The following LRP1B variants were observed in gnomAD, a reference collection of about 807,000 sequenced individuals.
The protein encoded by LRP1B is low-density lipoprotein receptor-related protein 1B.
In LRP1B, 217 loss-of-function variants were observed where a neutral mutation model predicts 556.6. The observed-to-expected ratio is 0.39, with a 90% confidence interval of 0.35 to 0.44. The LOEUF is 0.44. Among genes scored for constraint, LRP1B ranks in the 20% least tolerant of loss-of-function variants. The pLI is 1.00. For synonymous variants in LRP1B, 2,047 were observed against 1,865.8 expected (o/e 1.10, Z -2.50); for missense variants, 5,053 against 5,620.8 (o/e 0.90, Z 3.23).
chr2:140,437,982 T>C (rs967392298), intron 66 of LRP1B, among the ~76,000 whole-genome samples: 3 of 152,218 alleles, frequency 2.0e-5, no homozygotes, highest in African/African-American at 7.2e-5. Flanking sequence ...ATGATACTTG[T>C]TATATAACAA....
chr2:140,733,410 T>C (rs1687841619), intron 35 of LRP1B, among the ~76,000 whole-genome samples: 2 of 152,146 alleles, frequency 1.3e-5, no homozygotes, highest in Admixed American at 1.3e-4. Context: ...GAAAGCTGTG[T>C]ATAAGAAAGG....
chr2:141,064,380 T>C (rs1220346162), intron 7 of LRP1B, among the ~76,000 whole-genome samples: 1 of 151,932 alleles, frequency 6.6e-6, no homozygotes, highest in East Asian at 1.9e-4. Flanking sequence ...ATTTAAGTTA[T>C]TCATTCAAGA....
At chr2:141,725,402 A>G (rs1055930750) in intron 2 of LRP1B, among the ~76,000 whole-genome samples, 1 of 151,932 alleles carries the variant, frequency 6.6e-6, no homozygotes, top group African/African-American at 2.4e-5. Context: ...TGAAATGCTC[A>G]CTGATTAAAA....
intron 2 of LRP1B, among the ~76,000 whole-genome samples, chr2:141,785,006 C>T (rs1695384040): frequency 6.6e-6 from 1 of 151,820 alleles, no homozygotes; most frequent in Non-Finnish European, 1.5e-5. Context: ...GTGAGGAGTT[C>T]TCTGGCATAC....
intron 33 of LRP1B, among the ~76,000 whole-genome samples, chr2:140,772,468 T>C (rs947862261): frequency 4.6e-5 from 7 of 151,804 alleles, no homozygotes; most frequent in Admixed American, 2.0e-4. Flanking sequence ...TGCCACCATG[T>C]CTGGATAATT....
chr2:141,355,186 A>C (rs1415015863), intron 3 of LRP1B, among the ~76,000 whole-genome samples: 1 of 152,068 alleles, frequency 6.6e-6, no homozygotes, highest in African/African-American at 2.4e-5. Context: ...CAGTTTTGTC[A>C]TCATCTGTCT....
At position 140,351,043 on chromosome 2, in the gene LRP1B, AG is replaced by A. The variant is rs1681935112; in HGVS notation, c.11651-6del. On this transcript the variant is annotated splice_polypyrimidine_tract_variant and splice_region_variant and intron_variant, in intron 76 of 90. Transcript: ENST00000389484. ...AGAGAACTTGATCTTCAGAGCCTGG[AG>A]ATTATTATAATAAAATACAAAAATA... is the stretch of plus-strand genomic sequence containing the variant. The A allele has an allele frequency of 6.5e-7, 1 of 1,531,378 alleles. No individual in the cohort carries two copies. Among genetic ancestry groups the A allele is most frequent in the East Asian group, 2.3e-5 (1 of 43,144 alleles). The allele number at this position is 1,531,378 out of a possible 1,614,324, so 94.9% of individuals were successfully genotyped here.
At chr2:140,729,700 T>A (rs1687711490) in intron 35 of LRP1B, among the ~76,000 whole-genome samples, 1 of 152,184 alleles carries the variant, frequency 6.6e-6, no homozygotes, top group Non-Finnish European at 1.5e-5. Context: ...TTGTAAGTAT[T>A]TGGTAGCAAT....
At chr2:140,254,302 T>TCAAATATACCTA (rs1406946307) in intron 86 of LRP1B, among the ~76,000 whole-genome samples, 2 of 152,090 alleles carry the variant, frequency 1.3e-5, no homozygotes, top group Non-Finnish European at 2.9e-5. Context: ...TATTACAAGG[T>TCAAATATACCTA]TTTGAGTATG....
At chr2:141,210,945 T>C (rs1263178560) in intron 6 of LRP1B, among the ~76,000 whole-genome samples, 2 of 152,102 alleles carry the variant, frequency 1.3e-5, no homozygotes, top group Non-Finnish European at 2.9e-5. Context: ...TAAAGACAAA[T>C]TTATAGCACA....
intron 15 of LRP1B, among the ~76,000 whole-genome samples, chr2:140,998,045 C>T (rs1697305003): frequency 6.6e-6 from 1 of 151,932 alleles, no homozygotes; most frequent in South Asian, 2.1e-4. Flanking sequence ...CATTAGATTG[C>T]ATATATCCTA....
intron 1 of LRP1B, among the ~76,000 whole-genome samples, chr2:141,841,703 GTGAT>G (rs1461548235): frequency 1.6e-4 from 24 of 152,300 alleles, no homozygotes; most frequent in African/African-American, 5.5e-4. Flanking sequence ...AAGCCAGTGA[GTGAT>G]TATCAAACTG....
At chr2:141,044,353 G>A (rs1698802008) in intron 11 of LRP1B, among the ~76,000 whole-genome samples, 1 of 151,808 alleles carries the variant, frequency 6.6e-6, no homozygotes, top group South Asian at 2.1e-4. Context: ...TCAGGACATA[G>A]GCATGGGCAA....
chr2:141,189,159 C>G (rs1681387836), intron 6 of LRP1B, among the ~76,000 whole-genome samples: 1 of 151,982 alleles, frequency 6.6e-6, no homozygotes, highest in African/African-American at 2.4e-5. Flanking sequence ...AAGGCTTGCT[C>G]AAGGACTGAT....
intron 3 of LRP1B, among the ~76,000 whole-genome samples, chr2:141,479,573 T>C (rs1357725313): frequency 1.3e-5 from 2 of 152,286 alleles, no homozygotes; most frequent in East Asian, 3.9e-4. Context: ...ATACCCTTTG[T>C]GTTACACTCA....
chr2:140,833,827 A>T (rs916267680), intron 31 of LRP1B, among the ~76,000 whole-genome samples: 1 of 152,176 alleles, frequency 6.6e-6, no homozygotes, highest in African/African-American at 2.4e-5. Flanking sequence ...TATGTTTAAT[A>T]TGTTTTAAAG....
intron 71 of LRP1B, among the ~76,000 whole-genome samples, chr2:140,367,617 T>C (rs1682820583): frequency 6.6e-6 from 1 of 151,812 alleles, no homozygotes; most frequent in South Asian, 2.1e-4. Flanking sequence ...TGTCTCACTC[T>C]GAAAACAATA....
At chr2:140,323,850 A>T in intron 81 of LRP1B, 43 bp downstream of exon 81, 1 of 995,838 alleles carries the variant, frequency 1.0e-6, no homozygotes. Flanking sequence ...ATACAAGAAA[A>T]TAATTTACCA....
intron 2 of LRP1B, among the ~76,000 whole-genome samples, chr2:141,573,995 C>G (rs974968092): frequency 6.6e-6 from 1 of 152,114 alleles, no homozygotes; most frequent in African/African-American, 2.4e-5. Context: ...GATAGAGTTA[C>G]AGCTGAATTC....
Sources: allele counts gnomAD v4.1 joint callset (sites outside exome capture counted in the v4.1 genomes callset), GRCh38; gene constraint gnomAD v4.1.1; transcripts MANE v1.5; gene names NCBI Gene and HGNC (gene_info 2026-07-23, HGNC 2026-07-21).